Variants in ARHGAP35 observed in about 807,000 individuals in gnomAD.
ARHGAP35 encodes the protein rho GTPase-activating protein 35.
In ARHGAP35, 15 loss-of-function variants were observed where a neutral mutation model predicts 111.1. That is an observed-to-expected ratio of 0.13 (90% CI 0.09 to 0.21). The LOEUF (loss-of-function observed/expected upper bound fraction) is 0.21, where lower values mean the gene tolerates loss of function less well. Among genes scored for constraint, ARHGAP35 ranks in the 10% least tolerant of loss-of-function variants. The pLI is 1.00. For synonymous variants in ARHGAP35, 643 were observed against 710.3 expected (o/e 0.91, Z 1.51); for missense variants, 1,262 against 1,873.0 (o/e 0.67, Z 6.02).
intron 3 of ARHGAP35, among the ~76,000 whole-genome samples, chr19:46,976,936 G>T (rs931486017): frequency 6.6e-6 from 1 of 152,112 alleles, no homozygotes; most frequent in Non-Finnish European, 1.5e-5. Flanking sequence ...AAATCCCCAT[G>T]CCTCTATAAC....
intron 1 of ARHGAP35, among the ~76,000 whole-genome samples, chr19:46,899,283 T>G (rs1440165345): frequency 2.0e-5 from 3 of 152,256 alleles, no homozygotes; most frequent in Non-Finnish European, 2.9e-5. Context: ...GCTCATGGCA[T>G]GTTCAGAGAA....
At chr19:46,880,865 G>A (rs940269746) in intron 1 of ARHGAP35, among the ~76,000 whole-genome samples, 3 of 151,204 alleles carry the variant, frequency 2.0e-5, no homozygotes, top group Non-Finnish European at 4.4e-5. Flanking sequence ...TTTAAGAGAT[G>A]GAGTCTTACT....
intron 1 of ARHGAP35, among the ~76,000 whole-genome samples, chr19:46,913,761 T>G (rs2056150425): frequency 6.6e-6 from 1 of 152,206 alleles, no homozygotes; most frequent in Non-Finnish European, 1.5e-5. Context: ...TTACCATTTT[T>G]AAAGGATCCT....
rs149005712 is a variant in ARHGAP35, at chr19:46,954,976, C to T, written c.3826+17568C>T. On this transcript the variant is annotated intron_variant, in intron 3 of 6. Transcript: ENST00000672722. ...TATCTGTGGAGAGCACTTACTTCTC[C>T]GTAACCCATGAAGCCAGTGAAGGAC... Among the ~76,000 whole-genome samples, 552 of 152,292 alleles carry T rather than the reference C, an allele frequency of 3.6e-3. 3 individuals carry two copies. Among genetic ancestry groups the T allele is most frequent in the Middle Eastern group, 0.017 (5 of 294 alleles).
intron 1 of ARHGAP35, among the ~76,000 whole-genome samples, chr19:46,867,787 G>C (rs1199730793): frequency 6.6e-6 from 1 of 150,532 alleles, no homozygotes; most frequent in Non-Finnish European, 1.5e-5. Flanking sequence ...TTTTTTTTTT[G>C]GAGATGTTTG....
intron 5 of ARHGAP35, among the ~76,000 whole-genome samples, chr19:46,991,509 G>A (rs1599870287): frequency 1.3e-5 from 2 of 152,340 alleles, no homozygotes; most frequent in South Asian, 4.1e-4. Context: ...CTGCTCAGGA[G>A]GTGGCTTCTG....
chr19:46,863,284 A>C (rs2055838768), intron 1 of ARHGAP35, among the ~76,000 whole-genome samples: 1 of 152,072 alleles, frequency 6.6e-6, no homozygotes, highest in African/African-American at 2.4e-5. Context: ...TCTGCGCCCT[A>C]ACCCTGAGGG....
intron 1 of ARHGAP35, among the ~76,000 whole-genome samples, chr19:46,879,619 A>AAATAAATAAATAAATAAAT (rs1568459494): frequency 2.9e-4 from 5 of 17,122 alleles, no homozygotes; most frequent in African/African-American, 5.7e-4. Flanking sequence ...AATAAATAAA[A>AAATAAATAAATAAATAAAT]ATAAAAATAC....
intron 1 of ARHGAP35, among the ~76,000 whole-genome samples, chr19:46,871,693 A>G (rs1274023758): frequency 6.6e-6 from 1 of 151,350 alleles, no homozygotes; most frequent in Non-Finnish European, 1.5e-5. Context: ...AAGAATCTAT[A>G]GAGGGCTGGG....
chr19:46,987,024 C>T (rs1418357474), intron 3 of ARHGAP35, among the ~76,000 whole-genome samples: 5 of 151,828 alleles, frequency 3.3e-5, no homozygotes, highest in African/African-American at 1.2e-4. Flanking sequence ...GATGGGGTTT[C>T]TCCATGTTGG....
chr19:46,877,728 G>C (rs534960863), intron 1 of ARHGAP35, among the ~76,000 whole-genome samples: 1 of 151,460 alleles, frequency 6.6e-6, no homozygotes, highest in South Asian at 2.1e-4. Flanking sequence ...TTGGAGGGGG[G>C]ACAGTTTCGC....
intron 1 of ARHGAP35, among the ~76,000 whole-genome samples, chr19:46,884,826 C>G (rs2055985025): frequency 6.6e-6 from 1 of 152,104 alleles, no homozygotes; most frequent in African/African-American, 2.4e-5. Flanking sequence ...TTTCTGGGCT[C>G]AAATGATCCT....
At chr19:46,998,620 G>A (rs765486221) in intron 5 of ARHGAP35, among the ~76,000 whole-genome samples, 4 of 152,236 alleles carry the variant, frequency 2.6e-5, no homozygotes, top group Non-Finnish European at 5.9e-5. Context: ...TGCCTCACAC[G>A]ATTGTGGGGA....
At chr19:46,886,952 CA>C (rs1262835549) in intron 1 of ARHGAP35, among the ~76,000 whole-genome samples, 2 of 152,110 alleles carry the variant, frequency 1.3e-5, no homozygotes, top group Admixed American at 1.3e-4. Flanking sequence ...TTACTACTAG[CA>C]AAACTGAAAA....
chr19:46,965,040 C>T (rs1385686021), intron 3 of ARHGAP35, among the ~76,000 whole-genome samples: 2 of 152,206 alleles, frequency 1.3e-5, no homozygotes, highest in Non-Finnish European at 2.9e-5. Flanking sequence ...AGGCCAGGCG[C>T]GGTGGCTCAC....
chr19:46,878,843 G>A (rs1214161653), intron 1 of ARHGAP35, among the ~76,000 whole-genome samples: 1 of 152,156 alleles, frequency 6.6e-6, no homozygotes, highest in Non-Finnish European at 1.5e-5. Context: ...TGCTAGTGGA[G>A]GGTCCTGCCT....
chr19:46,877,809 C>T (rs1255323879), intron 1 of ARHGAP35, among the ~76,000 whole-genome samples: 1 of 151,728 alleles, frequency 6.6e-6, no homozygotes, highest in Non-Finnish European at 1.5e-5. Flanking sequence ...CGGGTCCAGG[C>T]AATCCTCCTG....
chr19:46,957,253 G>A (rs2056445026), intron 3 of ARHGAP35, among the ~76,000 whole-genome samples: 2 of 152,074 alleles, frequency 1.3e-5, no homozygotes, highest in African/African-American at 2.4e-5. Context: ...GAGCCACTGC[G>A]CCCGGCCAAA....
At chr19:46,878,383 C>A (rs1002277351) in intron 1 of ARHGAP35, among the ~76,000 whole-genome samples, 1 of 152,026 alleles carries the variant, frequency 6.6e-6, no homozygotes, top group Admixed American at 6.6e-5. Context: ...TGCGGTGGTG[C>A]AGTCTCAGCT....
Sources: gnomAD v4.1 joint callset for allele counts (sites outside exome capture counted in the v4.1 genomes callset) on GRCh38, gnomAD v4.1.1 for gene constraint, MANE v1.5 for transcripts, NCBI Gene and HGNC (gene_info 2026-07-23, HGNC 2026-07-21) for gene names.